Variants in CCDC30 observed in about 807,000 individuals in gnomAD.
CCDC30 encodes the protein coiled-coil domain-containing protein 30.
A neutral mutation model predicts 100.2 loss-of-function variants in CCDC30; 70 were observed. The observed-to-expected ratio is 0.70, with a 90% confidence interval of 0.58 to 0.85. CCDC30 has a LOEUF of 0.85. Among genes scored for constraint, CCDC30 ranks in the 40% least tolerant of loss-of-function variants. The probability of loss-of-function intolerance (pLI) is 0.00; values close to 1 mark genes in which losing one functional copy is unlikely to be tolerated. For missense variants in CCDC30, 652 were observed against 771.2 expected, an observed-to-expected ratio of 0.85 and a Z score of 1.83; for synonymous variants, 233 against 269.5, an observed-to-expected ratio of 0.86 and a Z score of 1.33.
At chr1:42,615,398 A>C (rs909262616) in intron 11 of CCDC30, among the ~76,000 whole-genome samples, 1 of 152,254 alleles carries the variant, frequency 6.6e-6, no homozygotes, top group Middle Eastern at 3.4e-3. Context: ...CCCAGGCTCA[A>C]GCAATTCTCC....
rs535868599 is a variant in CCDC30, at chr1:42,618,905, G to A, written c.1277+7815G>A. On this transcript the variant is annotated intron_variant, in intron 11 of 16. Coordinates refer to ENST00000668663, the Ensembl canonical transcript of CCDC30. Reference sequence around the variant, plus strand: ...GGCACACTACTTCCATTCATATTCTGTTGGCCAGAACTTACTTACATGGCC... The same window carrying A: ...GGCACACTACTTCCATTCATATTCTATTGGCCAGAACTTACTTACATGGCC... Among the ~76,000 whole-genome samples, 14 of 152,296 alleles carry A rather than the reference G, an allele frequency of 9.2e-5. No individual in the cohort carries two copies. The East Asian group carries it at 2.1e-3, about 23-fold the overall frequency.
At chr1:42,597,632 C>CA (rs58717290) in intron 10 of CCDC30, among the ~76,000 whole-genome samples, 58,831 of 146,638 alleles carry the variant, frequency 0.4, 11,866 homozygotes, top group Non-Finnish European at 0.45. Flanking sequence ...CCCATCCCTA[C>CA]AAAAAAAAAA....
At chr1:42,583,413 G>A (rs894746870) in intron 9 of CCDC30, among the ~76,000 whole-genome samples, 6 of 152,100 alleles carry the variant, frequency 3.9e-5, no homozygotes, top group Non-Finnish European at 8.8e-5. Flanking sequence ...TTCTTCTACC[G>A]AAAGGGGACC....
Position 42,609,624 on chromosome 1 carries a change from T to TA in CCDC30, c.1165-1353dup, listed in dbSNP as rs557955759. ...ATATGGCAGTCCCAAAGTCAGTCCC[T>TA]ACACTTAACCCCAACTAACCATGGT... On this transcript the variant is annotated intron_variant, in intron 10 of 16. Transcript: ENST00000668663. Among the ~76,000 whole-genome samples the TA allele has an allele frequency of 5.9e-4, 90 of 152,310 alleles. 1 individual carries two copies. The highest frequency in any genetic ancestry group is 2.2e-3 in the African/African-American group (90 of 41,574).
chr1:42,648,798 T>G (rs1176485972), intron 15 of CCDC30, among the ~76,000 whole-genome samples: 1 of 151,212 alleles, frequency 6.6e-6, no homozygotes, highest in East Asian at 1.9e-4. Context: ...CAACAAATCT[T>G]TAGCTGGACA....
At chr1:42,558,979 G>A (rs1645429271) in intron 6 of CCDC30, among the ~76,000 whole-genome samples, 1 of 152,138 alleles carries the variant, frequency 6.6e-6, no homozygotes, top group Non-Finnish European at 1.5e-5. Flanking sequence ...AGAGATTAGA[G>A]GCCAATATTC....
intron 12 of CCDC30, 130 bp downstream of exon 16, chr1:42,637,508 C>A: frequency 1.2e-6 from 1 of 818,872 alleles, no homozygotes; most frequent in Non-Finnish European, 1.9e-6. Context: ...TTTCTTTGCA[C>A]CATCTTTCAA....
In CCDC30 at chr1:42,589,469, A is replaced by C. The variant is rs61729297; in HGVS notation, c.1150A>C (p.Arg384=). Residue 384 remains arginine, a synonymous_variant, in exon 10 of 17, where the codon AGA becomes CGA. Transcript: ENST00000668663. ...ACTTAAACAACTGGAAAATGAAAAA[A>C]GAAAATATGATGAGGTAAGAAAGTA... 7.3e-3 allele frequency: 11,819 copies of C among 1,613,468 alleles called. 758 individuals carry two copies. In the African/African-American group the frequency reaches 0.14, roughly 19 times the overall value.
chr1:42,545,138 A>C (rs1645096666), intron 6 of CCDC30, among the ~76,000 whole-genome samples: 1 of 142,162 alleles, frequency 7.0e-6, no homozygotes, highest in Non-Finnish European at 1.5e-5. Flanking sequence ...CTGAGAACCC[A>C]ACCCCAGAGT....
At chr1:42,603,251 A>G (rs1440264581) in intron 10 of CCDC30, among the ~76,000 whole-genome samples, 1 of 152,178 alleles carries the variant, frequency 6.6e-6, no homozygotes, top group Non-Finnish European at 1.5e-5. Flanking sequence ...TTGTCTTCAC[A>G]TAGTGGAAAG....
chr1:42,561,881 C>T (rs1270653908), intron 6 of CCDC30, among the ~76,000 whole-genome samples: 1 of 152,116 alleles, frequency 6.6e-6, no homozygotes, highest in Non-Finnish European at 1.5e-5. Flanking sequence ...CCTAGGAATA[C>T]AGCTAACAAG....
chr1:42,593,632 A>G (rs1056463628), intron 10 of CCDC30: 2 of 152,212 alleles, frequency 1.3e-5, no homozygotes, highest in African/African-American at 4.8e-5. Flanking sequence ...ACTTGCCTAC[A>G]TCCTGAGGCT....
At chr1:42,472,689 T>A (rs1643811002) in intron 1 of CCDC30, among the ~76,000 whole-genome samples, 1 of 152,104 alleles carries the variant, frequency 6.6e-6, no homozygotes, top group Admixed American at 6.5e-5. Context: ...AAGTATATCA[T>A]GTCATTTGTT....
At chr1:42,600,124 T>G (rs902551358) in intron 10 of CCDC30, among the ~76,000 whole-genome samples, 1 of 151,970 alleles carries the variant, frequency 6.6e-6, no homozygotes, top group African/African-American at 2.4e-5. Flanking sequence ...CCTTCAACAC[T>G]CGGGATCACA....
intron 1 of CCDC30, among the ~76,000 whole-genome samples, chr1:42,470,490 G>T (rs537824068): frequency 4.1e-4 from 62 of 152,224 alleles, no homozygotes; most frequent in Admixed American, 1.7e-3. Context: ...TGAAAACAGG[G>T]ATTCAAATAC....
chr1:42,478,865 A>G (rs1186064150), intron 1 of CCDC30, among the ~76,000 whole-genome samples: 4 of 152,240 alleles, frequency 2.6e-5, no homozygotes, highest in Non-Finnish European at 5.9e-5. Context: ...TAATTTGGTT[A>G]AAGCTAATAT....
chr1:42,456,869 C>A, the CCDC30 span: 1 of 1,613,348 alleles, frequency 6.2e-7, no homozygotes, highest in Non-Finnish European at 8.5e-7. Flanking sequence ...CCAGACTTGG[C>A]TGTCCGCTCT....
chr1:42,457,494 T>C, the CCDC30 span: 9 of 684,746 alleles, frequency 1.3e-5, no homozygotes, highest in Non-Finnish European at 2.3e-5. Flanking sequence ...CCCTCCCTCA[T>C]GGACCTCACA....
chr1:42,615,774 C>A (rs1646716071), intron 11 of CCDC30, among the ~76,000 whole-genome samples: 1 of 152,098 alleles, frequency 6.6e-6, no homozygotes, highest in Admixed American at 6.6e-5. Flanking sequence ...TGTCCAGAAC[C>A]CAGCATGTAC....
Sources: allele counts gnomAD v4.1 joint callset (sites outside exome capture counted in the v4.1 genomes callset), GRCh38; gene constraint gnomAD v4.1.1; transcripts MANE v1.5; gene names NCBI Gene and HGNC (gene_info 2026-07-23, HGNC 2026-07-21).